KIRREL3: variants seen among roughly 807,000 people sequenced by gnomAD.
The protein encoded by KIRREL3 is kin of IRRE-like protein 3.
In KIRREL3, 36 loss-of-function variants were observed where a neutral mutation model predicts 89.7. The observed-to-expected ratio is 0.40, with a 90% CI of 0.31 to 0.53. The LOEUF (loss-of-function observed/expected upper bound fraction) is 0.53, where lower values mean the gene tolerates loss of function less well. Among genes scored for constraint, KIRREL3 ranks in the 20% least tolerant of loss-of-function variants. The probability of loss-of-function intolerance (pLI) is 0.49; values close to 1 mark genes in which losing one functional copy is unlikely to be tolerated. For synonymous variants in KIRREL3, 445 were observed against 441.4 expected (o/e 1.01, Z -0.10); for missense variants, 864 against 1,056.6 (o/e 0.82, Z 2.53).
rs528500698 is a variant in KIRREL3, at chr11:126,843,605, G to C, written c.55+156850C>G. Among the ~76,000 whole-genome samples, 1 of 152,256 alleles carries C rather than the reference G, an allele frequency of 6.6e-6. No homozygotes were observed. Among genetic ancestry groups the C allele is most frequent in the Non-Finnish European group, 1.5e-5 (1 of 68,024 alleles). ...GGGACCGTCAGAGGTGTTTGAACCA[G>C]AGCAACTCCATCCTGAATAGGGGCT... On this transcript the variant is annotated intron_variant, in intron 1 of 16. Coordinates refer to ENST00000525144, the MANE Select transcript of KIRREL3 (RefSeq NM_032531.4). The surrounding 1 kb of genome is among the most constrained non-coding windows in gnomAD (Gnocchi z 4.6).
At chr11:126,478,647 ATGTATG>A (rs1565487151) in intron 4 of KIRREL3, among the ~76,000 whole-genome samples, 1 of 127,110 alleles carries the variant, frequency 7.9e-6, no homozygotes, top group East Asian at 1.9e-4. Flanking sequence ...GTATGTGTGT[ATGTATG>A]TGTATATGTA....
At chr11:126,483,977 T>C (rs1455883581) in intron 4 of KIRREL3, among the ~76,000 whole-genome samples, 1 of 152,194 alleles carries the variant, frequency 6.6e-6, no homozygotes, top group Non-Finnish European at 1.5e-5. Flanking sequence ...CATAAGACCA[T>C]GTGCCCGCCT....
rs1325626249 is a variant in KIRREL3 at position 126,653,265 on chromosome 11, C to A, written c.56-90353G>T. Among the ~76,000 whole-genome samples the A allele has an allele frequency of 6.6e-6, 1 of 152,142 alleles. No homozygotes were observed. Among genetic ancestry groups the A allele is most frequent in the Non-Finnish European group, 1.5e-5 (1 of 68,026 alleles). ...GTGGTGGCAGAGGATGACGGCTTTG[C>A]AGAGGCAGAGGAACGACTGACTTGC... On this transcript the variant is annotated intron_variant, in intron 1 of 16. Coordinates refer to ENST00000525144, the MANE Select transcript of KIRREL3 (RefSeq NM_032531.4). The surrounding 1 kb of genome is among the most constrained non-coding windows in gnomAD (Gnocchi z 5.4).
chr11:126,900,079 C>T lies in KIRREL3; in HGVS notation c.55+100376G>A, dbSNP rs1289138608. ...GAATAGCTAGCTGGTGGGTCACTTC[C>T]TCTGCTCTCCAAATCAATTGTTTTG... On this transcript the variant is annotated intron_variant, in intron 1 of 16. Coordinates refer to ENST00000525144, the MANE Select transcript of KIRREL3 (RefSeq NM_032531.4). The surrounding 1 kb of genome is among the most constrained non-coding windows in gnomAD (Gnocchi z 4.4). Among the ~76,000 whole-genome samples the T allele has an allele frequency of 2.0e-5, 3 of 152,166 alleles. No individual in the cohort carries two copies. The highest frequency in any genetic ancestry group is 7.2e-5 in the African/African-American group (3 of 41,440).
At chr11:126,927,738 A>G (rs1947781578) in intron 1 of KIRREL3, among the ~76,000 whole-genome samples, 1 of 152,188 alleles carries the variant, frequency 6.6e-6, no homozygotes, top group Admixed American at 6.5e-5. Flanking sequence ...AAGCATAGGA[A>G]TGTGCTTTGA....
rs770954094 is a variant in KIRREL3, at chr11:126,535,454, C to G, written c.134-8767G>C. ...ACCTGTGGCCCCATTCTGAGGTTGC[C>G]CCTCAATCCCTAATTATTTCCTGAG... On this transcript the variant is annotated intron_variant, in intron 2 of 16. Coordinates refer to ENST00000525144, the MANE Select transcript of KIRREL3 (RefSeq NM_032531.4). This position sits in a 1 kb window ranked among gnomAD's most constrained non-coding sequence, Gnocchi z 4.5. 1.3e-5 allele frequency among the ~76,000 whole-genome samples: 2 copies of G among 152,132 alleles called. No homozygotes were observed. Among genetic ancestry groups the G allele is most frequent in the Non-Finnish European group, 2.9e-5 (2 of 68,020 alleles).
At chr11:126,927,789 G>C (rs545566258) in intron 1 of KIRREL3, among the ~76,000 whole-genome samples, 3 of 152,208 alleles carry the variant, frequency 2.0e-5, no homozygotes, top group Non-Finnish European at 4.4e-5. Flanking sequence ...AATCTCAAGA[G>C]TAGCTCTTCT....
At chr11:127,001,254 G>C (rs1411883858), upstream of KIRREL3, 1 of 135,126 alleles carries the variant, frequency 7.4e-6, no homozygotes, top group Non-Finnish European at 1.5e-5. Context: ...CGGAGTTGGA[G>C]AAGAGATAAG....
rs1276300700 is a variant in KIRREL3 at position 126,729,387 on chromosome 11, A to C, written c.56-166475T>G. Among the ~76,000 whole-genome samples the C allele has an allele frequency of 6.6e-6, 1 of 152,246 alleles. No homozygotes were observed. Among genetic ancestry groups the C allele is most frequent in the Non-Finnish European group, 1.5e-5 (1 of 68,044 alleles). On this transcript the variant is annotated intron_variant, in intron 1 of 16. Coordinates refer to ENST00000525144, the MANE Select transcript of KIRREL3 (RefSeq NM_032531.4). This position sits in a 1 kb window ranked among gnomAD's most constrained non-coding sequence, Gnocchi z 4.5. ...AGCCTGGTGAGGAACAAAAGGTGTC[A>C]CAAGGCTCATTTTAGGGACATATTG...
At position 126,474,650 on chromosome 11, in the gene KIRREL3, C is replaced by T. The variant is rs1346752326; in HGVS notation, c.434-1184G>A. On this transcript the variant is annotated intron_variant, in intron 4 of 16. Coordinates refer to ENST00000525144, the MANE Select transcript of KIRREL3 (RefSeq NM_032531.4). This position sits in a 1 kb window ranked among gnomAD's most constrained non-coding sequence, Gnocchi z 6.7. ...TTGTAGTAGGGTCAGAGACGGGTGG[C>T]TCCCATCAAGGGATCCTGAGTGCCA... 2.0e-5 allele frequency among the ~76,000 whole-genome samples: 3 copies of T among 152,216 alleles called. No homozygotes were observed. Among genetic ancestry groups the T allele is most frequent in the Non-Finnish European group, 2.9e-5 (2 of 68,034 alleles).
At chr11:126,923,104 C>CCTTCTCCTTCTCCTT (rs1565422342) in intron 1 of KIRREL3, among the ~76,000 whole-genome samples, 10 of 65,672 alleles carry the variant, frequency 1.5e-4, no homozygotes, top group African/African-American at 8.9e-4. Flanking sequence ...TTCTTCTTCT[C>CCTTCTCCTTCTCCTT]CTTCTCCTTC....
rs1210314736 is a variant in KIRREL3, at chr11:126,969,064, G to A, written c.55+31391C>T. 6.6e-6 allele frequency among the ~76,000 whole-genome samples: 1 copy of A among 152,158 alleles called. No individual in the cohort carries two copies. The highest frequency in any genetic ancestry group is 1.5e-5 in the Non-Finnish European group (1 of 68,026). ...TGTCAGAAGTAACACTTCAGGCGGG[G>A]GCGTCTGAGGTTCGCGTGTGAGGGA... On this transcript the variant is annotated intron_variant, in intron 1 of 16. Transcript: ENST00000525144. The surrounding 1 kb of genome is among the most constrained non-coding windows in gnomAD (Gnocchi z 4.9).
chr11:126,964,958 T>C (rs1227912818), intron 1 of KIRREL3, among the ~76,000 whole-genome samples: 1 of 152,200 alleles, frequency 6.6e-6, no homozygotes, highest in Non-Finnish European at 1.5e-5. Flanking sequence ...ATATTAATAC[T>C]AAGCACTTCA....
At chr11:126,921,436 T>TATCTATCC (rs1555088744) in intron 1 of KIRREL3, among the ~76,000 whole-genome samples, 2 of 152,030 alleles carry the variant, frequency 1.3e-5, no homozygotes, top group Non-Finnish European at 2.9e-5. Context: ...TCTATCTATC[T>TATCTATCC]ATCTATCTAT....
Position 126,969,135 on chromosome 11 carries a change from C to T in KIRREL3, c.55+31320G>A, listed in dbSNP as rs1263459835. On this transcript the variant is annotated intron_variant, in intron 1 of 16. Coordinates refer to ENST00000525144, the MANE Select transcript of KIRREL3 (RefSeq NM_032531.4). The surrounding 1 kb of genome is among the most constrained non-coding windows in gnomAD (Gnocchi z 4.9). The stretch of plus-strand genomic sequence containing the variant: ...ATCTCCTGCTCAAGACAGAGGAGGG[C>T]GCTCAGGGGCCAATCAAACGACTTC... 6.6e-6 allele frequency among the ~76,000 whole-genome samples: 1 copy of T among 152,054 alleles called. No individual in the cohort carries two copies.
intron 1 of KIRREL3, among the ~76,000 whole-genome samples, chr11:126,952,794 C>T (rs535283178): frequency 6.6e-5 from 10 of 152,262 alleles, no homozygotes; most frequent in South Asian, 4.1e-4. Flanking sequence ...TACCATCTCA[C>T]GCCAGTTAGA....
rs1477497609 is a variant in KIRREL3 at position 126,566,886 on chromosome 11, A to G, written c.56-3974T>C. Among the ~76,000 whole-genome samples, 1 of 152,232 alleles carries G rather than the reference A, an allele frequency of 6.6e-6. No homozygotes were observed. Among genetic ancestry groups the G allele is most frequent in the Non-Finnish European group, 1.5e-5 (1 of 68,032 alleles). On this transcript the variant is annotated intron_variant, in intron 1 of 16. Coordinates refer to ENST00000525144, the MANE Select transcript of KIRREL3 (RefSeq NM_032531.4). This position sits in a 1 kb window ranked among gnomAD's most constrained non-coding sequence, Gnocchi z 4.9. ...AGGCAAGTCAGAAATTATCTATTTC[A>G]TTTTGGTTTCACAAACTGAGGCTCA... is the stretch of plus-strand genomic sequence containing the variant.
At chr11:126,448,898 G>T in intron 8 of KIRREL3, 111 bp downstream of exon 8, 2 of 1,154,630 alleles carry the variant, frequency 1.7e-6, no homozygotes, top group South Asian at 2.0e-5. Flanking sequence ...CTACGCTCAT[G>T]ACGCATGAAG....
Position 126,768,120 on chromosome 11 carries a change from C to A in KIRREL3, c.56-205208G>T, listed in dbSNP as rs188702223. Among the ~76,000 whole-genome samples the A allele has an allele frequency of 6.7e-6, 1 of 149,122 alleles. No homozygotes were observed. Among genetic ancestry groups the A allele is most frequent in the African/African-American group, 2.5e-5 (1 of 40,052 alleles). On this transcript the variant is annotated intron_variant, in intron 1 of 16. Coordinates refer to ENST00000525144, the MANE Select transcript of KIRREL3 (RefSeq NM_032531.4). The surrounding 1 kb of genome is among the most constrained non-coding windows in gnomAD (Gnocchi z 4.5). ...TTATTTCATCCATCTGTCCATCCAT[C>A]TGTCTATCCATCTATCCATCCATCC... is the stretch of plus-strand genomic sequence containing the variant.
Sources: allele counts gnomAD v4.1 joint callset (sites outside exome capture counted in the v4.1 genomes callset), GRCh38; gene constraint gnomAD v4.1.1; non-coding constraint Gnocchi (gnomAD v3.1); transcripts MANE v1.5; gene names NCBI Gene and HGNC (gene_info 2026-07-23, HGNC 2026-07-21).